TRPM3: variants seen among roughly 807,000 people sequenced by gnomAD.
TRPM3 encodes long transient receptor potential channel 3.
Under a neutral mutation model 181.2 loss-of-function variants are expected in TRPM3, and 77 were observed. The observed-to-expected ratio is 0.42, with a 90% confidence interval of 0.35 to 0.51. TRPM3 has a LOEUF of 0.51. Ranked by LOEUF, TRPM3 falls within the 20% of genes least tolerant of loss-of-function variation. TRPM3 has a pLI of 0.01. For missense variants in TRPM3, 1,759 were observed against 2,196.7 expected (o/e 0.80, Z 3.98); for synonymous variants, 745 against 796.4 (o/e 0.94, Z 1.09).
At chr9:71,016,807 G>A (rs1042250098) in intron 1 of TRPM3, among the ~76,000 whole-genome samples, 3 of 151,690 alleles carry the variant, frequency 2.0e-5, no homozygotes, top group African/African-American at 7.3e-5. Context: ...TTAATTTTTT[G>A]AGGAACACGT....
At chr9:71,244,313 G>A (rs2081907539) in intron 1 of TRPM3, among the ~76,000 whole-genome samples, 1 of 152,124 alleles carries the variant, frequency 6.6e-6, no homozygotes, top group Non-Finnish European at 1.5e-5. Flanking sequence ...TTTGACCTGA[G>A]TCTAAAAATA....
chr9:71,343,128 T>C (rs1490668666), intron 1 of TRPM3, among the ~76,000 whole-genome samples: 1 of 151,976 alleles, frequency 6.6e-6, no homozygotes, highest in Non-Finnish European at 1.5e-5. Flanking sequence ...AGTGAAAGGA[T>C]TAGGGAATGG....
rs745910164 is a variant in TRPM3, at chr9:70,534,299, G to A, written c.*1654C>T. 3 of 152,218 alleles carry A rather than the reference G, an allele frequency of 2.0e-5. No homozygotes were observed. Among genetic ancestry groups the A allele is most frequent in the Admixed American group, 6.5e-5 (1 of 15,290 alleles). The allele number at this position is 152,218 out of a possible 1,614,324, so 9.4% of individuals were successfully genotyped here. A position where few individuals can be genotyped will look rare whatever the true frequency, so the allele number is the denominator to read the frequency against. On this transcript the variant is annotated 3_prime_UTR_variant, in exon 26 of 26. Coordinates refer to ENST00000677713, the MANE Select transcript of TRPM3 (RefSeq NM_001366145.2). ...GACAAAAAAGGGCAGAAGGCGAGCA[G>A]TGAGTCATTTTGACAACTCTAGTTT...
At chr9:70,978,624 T>A (rs1326519033) in intron 1 of TRPM3, among the ~76,000 whole-genome samples, 1 of 152,238 alleles carries the variant, frequency 6.6e-6, no homozygotes, top group Non-Finnish European at 1.5e-5. Flanking sequence ...ACTGCCTCCA[T>A]GAGGAAATGT....
In TRPM3 at chr9:70,620,331, G is replaced by T. The variant is rs999688087; in HGVS notation, c.1874C>A (p.Thr625Asn). The T allele has an allele frequency of 2.9e-5, 47 of 1,613,686 alleles. No homozygotes were observed. Among genetic ancestry groups the T allele is most frequent in the Non-Finnish European group, 3.9e-5 (46 of 1,179,724 alleles). Reference sequence around the variant, plus strand: ...GTCCACCTCTTCTTCACGTTTCTTGGTTGTCTTTCTTCCTCGCCTCAAGGG... The same window carrying T: ...GTCCACCTCTTCTTCACGTTTCTTGTTTGTCTTTCTTCCTCGCCTCAAGGG... ...DIPLRRGRKT[T>N]KKREEEVDID... Residue 625 changes from threonine to asparagine, a missense_variant, in exon 16 of 26, where the codon ACC becomes AAC. By Grantham distance (65) the Thr-to-Asn change is moderately conservative. Coordinates refer to ENST00000677713, the MANE Select transcript of TRPM3 (RefSeq NM_001366145.2).
At chr9:70,749,014 C>T (rs1052026613) in intron 8 of TRPM3, among the ~76,000 whole-genome samples, 2 of 151,392 alleles carry the variant, frequency 1.3e-5, no homozygotes, top group Admixed American at 6.6e-5. Flanking sequence ...CGGTTGCATG[C>T]CAACACAACC....
intron 1 of TRPM3, among the ~76,000 whole-genome samples, chr9:71,140,992 A>AC (rs2075068816): frequency 1.3e-5 from 2 of 152,206 alleles, no homozygotes; most frequent in Admixed American, 1.3e-4. Context: ...CAGATAAGAC[A>AC]CTTGGTATTC....
intron 1 of TRPM3, among the ~76,000 whole-genome samples, chr9:71,257,797 G>A (rs1359708548): frequency 6.6e-6 from 1 of 152,144 alleles, no homozygotes; most frequent in Non-Finnish European, 1.5e-5. Context: ...TTTTGATAAT[G>A]TCATCTCACA....
At position 71,264,571 on chromosome 9, in the gene TRPM3, C is replaced by T. The variant is rs564131236; in HGVS notation, c.183+182082G>A. On this transcript the variant is annotated intron_variant, in intron 1 of 24. Coordinates refer to the TRPM3 transcript ENST00000357533. ...GGTTGCACCTGTAAGCATACAAGCACGAAAGCTTCTATAAGCTTTAAACAC... is the reference window on the plus strand; with the variant it reads ...GGTTGCACCTGTAAGCATACAAGCATGAAAGCTTCTATAAGCTTTAAACAC... 2.0e-5 allele frequency among the ~76,000 whole-genome samples: 3 copies of T among 152,212 alleles called. No individual in the cohort carries two copies. In the East Asian group the frequency reaches 5.8e-4, roughly 29 times the overall value.
intron 1 of TRPM3, among the ~76,000 whole-genome samples, chr9:70,946,573 C>G (rs1411474875): frequency 6.6e-6 from 1 of 152,048 alleles, no homozygotes; most frequent in East Asian, 1.9e-4. Flanking sequence ...ATATATACAG[C>G]TAGTGGGCAA....
chr9:71,139,320 T>C (rs1390584537), intron 1 of TRPM3, among the ~76,000 whole-genome samples: 1 of 152,194 alleles, frequency 6.6e-6, no homozygotes, highest in African/African-American at 2.4e-5. Flanking sequence ...ATTTTATCAG[T>C]TGTGAAGCTA....
chr9:70,887,233 T>G (rs1335479196), intron 1 of TRPM3, among the ~76,000 whole-genome samples: 1 of 152,322 alleles, frequency 6.6e-6, no homozygotes, highest in South Asian at 2.1e-4. Context: ...TCAGGTTTTA[T>G]TAAGCTCAAA....
intron 22 of TRPM3, chr9:70,579,141 A>T (rs1476016796): frequency 6.6e-6 from 1 of 152,364 alleles, no homozygotes; most frequent in Non-Finnish European, 1.5e-5. Flanking sequence ...CCTGGAGAAT[A>T]GATTTTTATT....
At chr9:70,740,780 G>T (rs2073900048) in intron 8 of TRPM3, among the ~76,000 whole-genome samples, 1 of 152,178 alleles carries the variant, frequency 6.6e-6, no homozygotes. Flanking sequence ...AATGAAACTG[G>T]ATTCTCATCT....
At chr9:70,833,810 A>G (rs1394559303) in intron 5 of TRPM3, among the ~76,000 whole-genome samples, 1 of 152,174 alleles carries the variant, frequency 6.6e-6, no homozygotes, top group African/African-American at 2.4e-5. Context: ...AGAGGTCAGG[A>G]AAGCCACCAG....
intron 1 of TRPM3, among the ~76,000 whole-genome samples, chr9:71,254,449 G>A (rs766422612): frequency 2.5e-4 from 38 of 152,194 alleles, no homozygotes; most frequent in South Asian, 6.2e-4. Context: ...CGGCAACAAC[G>A]TATTACATAT....
At chr9:71,335,874 G>T (rs542190320) in intron 1 of TRPM3, among the ~76,000 whole-genome samples, 1 of 152,182 alleles carries the variant, frequency 6.6e-6, no homozygotes, top group South Asian at 2.1e-4. Flanking sequence ...TTTGGCATCT[G>T]ACTCTGCATA....
At chr9:71,332,413 T>G (rs1283026967) in intron 1 of TRPM3, among the ~76,000 whole-genome samples, 2 of 119,212 alleles carry the variant, frequency 1.7e-5, no homozygotes, top group Admixed American at 8.6e-5. Context: ...GTGTGTGTGT[T>G]TCAGCACAGA....
chr9:70,537,168 G>C lies in TRPM3; in HGVS notation c.3945C>G (p.Ser1315Arg). ...AYIVRQSSFN[S>R]QEGNTFKLQE... Reference sequence around the variant, plus strand: ...GGAGCTTGAAGGTGTTCCCTTCCTGGCTGTTGAAGCTGCTCTGACGGACAA... The same window carrying C: ...GGAGCTTGAAGGTGTTCCCTTCCTGCCTGTTGAAGCTGCTCTGACGGACAA... Residue 1315 changes from serine to arginine, a missense_variant, in exon 26 of 26, where the codon AGC (serine) becomes AGG (arginine). Transcript: ENST00000677713. 4 of 1,589,180 alleles carry C rather than the reference G, an allele frequency of 2.5e-6. No homozygotes were observed. Among genetic ancestry groups the C allele is most frequent in the Non-Finnish European group, 3.4e-6 (4 of 1,162,726 alleles).
Sources: allele counts gnomAD v4.1 joint callset (sites outside exome capture counted in the v4.1 genomes callset), GRCh38; gene constraint gnomAD v4.1.1; transcripts MANE v1.5; gene names NCBI Gene and HGNC (gene_info 2026-07-23, HGNC 2026-07-21).